The following ZNF268 variants were observed in gnomAD, a reference collection of about 807,000 sequenced individuals.
ZNF268 encodes the protein zinc finger protein 268.
Under a neutral mutation model 29.3 loss-of-function variants are expected in ZNF268, and 20 were observed. The ratio of observed to expected loss-of-function variants is 0.68; its 90% CI spans 0.48 to 0.99. The LOEUF is 0.99. Among genes scored for constraint, ZNF268 ranks in the 50% least tolerant of loss-of-function variants. The pLI, the probability that ZNF268 is intolerant of heterozygous loss-of-function variation, is 0.00. For synonymous variants in ZNF268, 429 were observed against 376.9 expected (o/e 1.14, Z -1.60); for missense variants, 1,240 against 1,121.6 (o/e 1.11, Z -1.51).
intron 5 of ZNF268, among the ~76,000 whole-genome samples, chr12:133,201,724 T>C (rs904578400): frequency 6.6e-6 from 1 of 152,096 alleles, no homozygotes; most frequent in South Asian, 2.1e-4. Context: ...CTCTAGAAGT[T>C]AGCATAGTGT....
At chr12:133,199,545 C>A (rs1385414193) in intron 5 of ZNF268, among the ~76,000 whole-genome samples, 1 of 151,696 alleles carries the variant, frequency 6.6e-6, no homozygotes, top group Admixed American at 6.6e-5. Flanking sequence ...ATGATGCTGG[C>A]CTCAGAAAAT....
At chr12:133,188,116 T>C in intron 3 of ZNF268, 44 bp downstream of exon 3, 2 of 403,182 alleles carry the variant, frequency 5.0e-6, no homozygotes. Context: ...CTTTATTACC[T>C]TTTTTTTTTT....
In ZNF268 at chr12:133,204,085, G is replaced by T. The variant is rs779956557; in HGVS notation, c.2399G>T (p.Arg800Ile). ...AAGTCATACCTAATTATACACATGA[G>T]AACTCATTCAGGTGAAAAACCATAT... is the stretch of plus-strand genomic sequence containing the variant. ...SSKSYLIIHM[R>I]THSGEKPYEC... is the part of the protein sequence containing the mutation. Residue 800 changes from arginine (R) to isoleucine (I), a missense_variant, in exon 6 of 6, where the codon AGA becomes ATA. Physicochemically the swap from Arg to Ile is moderately conservative, Grantham distance 97 (BLOSUM62 -3). Transcript: ENST00000536435. 2 of 1,551,240 alleles carry T rather than the reference G, an allele frequency of 1.3e-6. No individual in the cohort carries two copies. The highest frequency in any genetic ancestry group is 2.4e-5 in the South Asian group (2 of 84,684).
chr12:133,189,539 G>GA, intron 3 of ZNF268, among the ~76,000 whole-genome samples: 1 of 152,142 alleles, frequency 6.6e-6, no homozygotes, highest in South Asian at 2.1e-4. Context: ...AAAATCAAAT[G>GA]ATTTATTGCT....
In ZNF268 at chr12:133,209,561, A is replaced by T. The variant is rs946718011; in HGVS notation, c.*5031A>T. 7.9e-5 allele frequency: 12 copies of T among 151,738 alleles called. No homozygotes were observed. Among genetic ancestry groups the T allele is most frequent in the African/African-American group, 2.9e-4 (12 of 41,364 alleles). 9.4% of individuals were successfully genotyped at this position (151,738 alleles called of 1,614,324 possible). On this transcript the variant is annotated 3_prime_UTR_variant, in exon 6 of 6. Transcript: ENST00000536435. ...TAAAACATTAATAAAAAGGCTGGGC[A>T]TGGTGGCTCATGCCTGTAATCTCAG...
At chr12:133,190,082 A>ACT (rs1353404968) in intron 3 of ZNF268, among the ~76,000 whole-genome samples, 1 of 152,206 alleles carries the variant, frequency 6.6e-6, no homozygotes, top group Non-Finnish European at 1.5e-5. Flanking sequence ...TGCTAGGGTT[A>ACT]CAGGCGTGAG....
In ZNF268 at chr12:133,211,062, A is replaced by G; in HGVS notation, c.*6532A>G. 2.2e-6 allele frequency: 1 copy of G among 454,436 alleles called. No homozygotes were observed. The highest frequency in any genetic ancestry group is 1.5e-5 in the South Asian group (1 of 64,546). 28.2% of individuals were successfully genotyped at this position (454,436 alleles called of 1,614,324 possible). A position where few individuals can be genotyped will look rare whatever the true frequency, so the allele number is the denominator to read the frequency against. On this transcript the variant is annotated 3_prime_UTR_variant, in exon 6 of 6. Coordinates refer to ENST00000536435, the MANE Select transcript of ZNF268 (RefSeq NM_003415.3). ...TCATTCCATGCCTTAATTGGAATGG[A>G]TAGAGATAATAAAAGGCAAAGTAGA...
intron 2 of ZNF268, among the ~76,000 whole-genome samples, chr12:133,187,258 CT>C (rs147500824): frequency 0.34 from 52,211 of 151,402 alleles, 9,427 homozygotes; most frequent in African/African-American, 0.42. Context: ...TAAATTTAAT[CT>C]TCATTTCTGA....
At chr12:133,196,942 C>T (rs543506230) in intron 5 of ZNF268, among the ~76,000 whole-genome samples, 1 of 151,292 alleles carries the variant, frequency 6.6e-6, no homozygotes, top group Admixed American at 6.6e-5. Flanking sequence ...GTTAAGATCC[C>T]CTGATCTGCT....
At chr12:133,184,675 G>A (rs1382309422) in intron 2 of ZNF268, 1 of 448,682 alleles carries the variant, frequency 2.2e-6, no homozygotes, top group African/African-American at 2.0e-5. Flanking sequence ...CTGGAGTGCA[G>A]TGGCTATCTC....
chr12:133,189,999 G>A (rs1181205465), intron 3 of ZNF268, among the ~76,000 whole-genome samples: 2 of 151,594 alleles, frequency 1.3e-5, no homozygotes, highest in African/African-American at 2.4e-5. Context: ...TAGTAGAGAC[G>A]AAGTTTCACC....
Position 133,202,521 on chromosome 12 carries a change from A to T in ZNF268, c.835A>T (p.Ser279Cys). 6.2e-7 allele frequency: 1 copy of T among 1,612,210 alleles called. No individual in the cohort carries two copies. Among genetic ancestry groups the T allele is most frequent in the South Asian group, 1.1e-5 (1 of 90,832 alleles). ...TATGGGCGAAAAACCCTTTGGATGC[A>T]GCTGTTGTGAGAAAGCCTTCAGCAG... is the stretch of plus-strand genomic sequence containing the variant. ...MYMGEKPFGC[S>C]CCEKAFSSKS... The change falls in exon 6 of 6, where the codon AGC becomes TGC. Residue 279 changes from serine to cysteine, a missense_variant. By Grantham distance (112) the Ser-to-Cys change is moderately radical (BLOSUM62 -1). Coordinates refer to ENST00000536435, the MANE Select transcript of ZNF268 (RefSeq NM_003415.3).
intron 2 of ZNF268, chr12:133,184,621 ATTTG>A (rs137892024): frequency 0.32 from 122,755 of 386,198 alleles, 20,460 homozygotes; most frequent in African/African-American, 0.41. Flanking sequence ...TTATTTATTT[ATTTG>A]TTTATTTTTT....
Position 133,212,180 on chromosome 12 carries a change from A to G in ZNF268, c.*7650A>G, listed in dbSNP as rs900848723. On this transcript the variant is annotated 3_prime_UTR_variant, in exon 6 of 6. Coordinates refer to ENST00000536435, the MANE Select transcript of ZNF268 (RefSeq NM_003415.3). ...AGCAGAAACTACAGGGGTAGCAAAC[A>G]TATCTGTGATTGATGACGGTTTGTA... 1.3e-5 allele frequency: 2 copies of G among 152,164 alleles called. No individual in the cohort carries two copies. Among genetic ancestry groups the G allele is most frequent in the African/African-American group, 4.8e-5 (2 of 41,424 alleles). 9.4% of individuals were successfully genotyped at this position (152,164 alleles called of 1,614,324 possible).
chr12:133,212,876 G>A lies in ZNF268; in HGVS notation c.*8346G>A, dbSNP rs533046909. On this transcript the variant is annotated 3_prime_UTR_variant, in exon 6 of 6. Transcript: ENST00000536435. ...AGTTTTTTGGTTTTTTTGAAATGGA[G>A]TTTCACTCTGTCACCCAGGCTGGAG... The A allele has an allele frequency of 6.6e-6, 1 of 152,236 alleles. No individual in the cohort carries two copies. Among genetic ancestry groups the A allele is most frequent in the African/African-American group, 2.4e-5 (1 of 41,534 alleles). 9.4% of individuals were successfully genotyped at this position (152,236 alleles called of 1,614,324 possible).
intron 3 of ZNF268, among the ~76,000 whole-genome samples, chr12:133,190,998 T>C (rs1956454007): frequency 6.6e-6 from 1 of 152,122 alleles, no homozygotes. Flanking sequence ...AGCACTCTTG[T>C]ATAGGTGGTT....
At chr12:133,192,105 CA>C (rs1956490266) in intron 5 of ZNF268, 102 bp downstream of exon 5, 4 of 808,972 alleles carry the variant, frequency 4.9e-6, no homozygotes, top group Non-Finnish European at 3.6e-6. Flanking sequence ...TATTACCATG[CA>C]CTTTTTTTTT....
rs987890790 is a variant in ZNF268 at position 133,206,960 on chromosome 12, G to A, written c.*2430G>A. 1 of 152,188 alleles carries A rather than the reference G, an allele frequency of 6.6e-6. No homozygotes were observed. Among genetic ancestry groups the A allele is most frequent in the Non-Finnish European group, 1.5e-5 (1 of 68,030 alleles). 9.4% of individuals were successfully genotyped at this position (152,188 alleles called of 1,614,324 possible). On this transcript the variant is annotated 3_prime_UTR_variant, in exon 6 of 6. Coordinates refer to ENST00000536435, the MANE Select transcript of ZNF268 (RefSeq NM_003415.3). The stretch of plus-strand genomic sequence containing the variant: ...ACTACCTAGGGTTAGATTTTAGTTT[G>A]TTGTTTTTTCAGATGCAAATCTACA...
rs1003241533 is a variant in ZNF268 at position 133,209,746 on chromosome 12, G to A, written c.*5216G>A. Reference sequence around the variant, plus strand: ...GAGAATTGCTTGAACTGGAGAGGCGGAGGTTGCAGTGAGCTGAGATTGTGC... The same window carrying A: ...GAGAATTGCTTGAACTGGAGAGGCGAAGGTTGCAGTGAGCTGAGATTGTGC... On this transcript the variant is annotated 3_prime_UTR_variant, in exon 6 of 6. Transcript: ENST00000536435. The A allele has an allele frequency of 6.6e-6, 1 of 152,224 alleles. No homozygotes were observed. The highest frequency in any genetic ancestry group is 2.4e-5 in the African/African-American group (1 of 41,458). The allele number at this position is 152,224 out of a possible 1,614,324, so 9.4% of individuals were successfully genotyped here. A position where few individuals can be genotyped will look rare whatever the true frequency, so the allele number is the denominator to read the frequency against.
Sources: gnomAD v4.1 joint callset for allele counts (sites outside exome capture counted in the v4.1 genomes callset) on GRCh38, gnomAD v4.1.1 for gene constraint, MANE v1.5 for transcripts, NCBI Gene and HGNC (gene_info 2026-07-23, HGNC 2026-07-21) for gene names.